The following PTPRE variants were observed in gnomAD, a reference collection of about 807,000 sequenced individuals.
PTPRE encodes protein tyrosine phosphatase receptor type E, also known as receptor-type tyrosine-protein phosphatase epsilon.
Under a neutral mutation model 102.0 loss-of-function variants are expected in PTPRE, and 51 were observed. The ratio of observed to expected loss-of-function variants is 0.50; its 90% CI spans 0.40 to 0.63. The LOEUF is 0.63. PTPRE is among the 30% of genes least tolerant of loss of function. The pLI is 0.00. For missense variants in PTPRE, 752 were observed against 915.1 expected (o/e 0.82, Z 2.30); for synonymous variants, 345 against 348.2 (o/e 0.99, Z 0.10).
At chr10:128,082,729 G>A (rs890899161) in intron 20 of PTPRE, 103 bp from the exon 21 acceptor site, 1 of 1,322,328 alleles carries the variant, frequency 7.6e-7, no homozygotes, top group Non-Finnish European at 1.0e-6. Flanking sequence ...GTATTTTAAT[G>A]AATAGTCACA....
At position 128,072,203 on chromosome 10, in the gene PTPRE, T is replaced by A. The variant is rs773972028; in HGVS notation, c.1453T>A (p.Ser485Thr). The change falls in exon 16 of 21, where the codon TCC (serine) becomes ACC (threonine). Residue 485 changes from serine (S) to threonine (T), a missense_variant. Transcript: ENST00000254667. Reference sequence around the variant, plus strand: ...AGAATACACAGACTACATCAACGCATCCTTCATAGACGTACGTATGCTGGC... The same window carrying A: ...AGAATACACAGACTACATCAACGCAACCTTCATAGACGTACGTATGCTGGC... Reference protein sequence around the residue: ...GQEYTDYINASFIDGYRQKDY... With the variant: ...GQEYTDYINATFIDGYRQKDY... 1 of 1,613,748 alleles carries A rather than the reference T, an allele frequency of 6.2e-7. No individual in the cohort carries two copies. Among genetic ancestry groups the A allele is most frequent in the East Asian group, 2.2e-5 (1 of 44,880 alleles).
chr10:127,976,959 G>A (rs1396197005), intron 1 of PTPRE, among the ~76,000 whole-genome samples: 1 of 152,210 alleles, frequency 6.6e-6, no homozygotes, highest in East Asian at 1.9e-4. Context: ...AGCCGCAGGG[G>A]CCGTGGCTGC....
chr10:128,030,691 C>T (rs970234722), intron 2 of PTPRE, among the ~76,000 whole-genome samples: 2 of 152,188 alleles, frequency 1.3e-5, no homozygotes, highest in Admixed American at 1.3e-4. Context: ...ATAATCCTGC[C>T]GGCAAGGTCT....
rs574356779 is a variant in PTPRE, at chr10:127,909,224, C to T, written c.-31+1915C>T. Among the ~76,000 whole-genome samples the T allele has an allele frequency of 8.1e-4, 123 of 152,264 alleles. 1 individual carries two copies. Among genetic ancestry groups the T allele is most frequent in the South Asian group, 1.7e-3 (8 of 4,826 alleles). On this transcript the variant is annotated intron_variant, in intron 1 of 20. Transcript: ENST00000254667. ...AAACCATTGCCCCTGAGAGTAGATG[C>T]GGCTGTGTGTGTACATCCTTGCCCC...
rs548208077 is a variant in PTPRE, at chr10:128,008,376, GCT to G, written c.-8+26087_-8+26088del. 4.6e-5 allele frequency among the ~76,000 whole-genome samples: 7 copies of G among 152,122 alleles called. No homozygotes were observed. Among genetic ancestry groups the G allele is most frequent in the Admixed American group, 4.6e-4 (7 of 15,286 alleles). ...TGAGATAAAGTCCCTGGGATGCCAA[GCT>G]CTCTCTGGACCTGAAAAAGCCTCCC... On this transcript the variant is annotated intron_variant, in intron 2 of 20. Transcript: ENST00000254667. This position sits in a 1 kb window ranked among gnomAD's most constrained non-coding sequence, Gnocchi z 4.0.
At chr10:128,069,946 C>T in intron 13 of PTPRE, 119 bp downstream of exon 13, 1 of 1,492,970 alleles carries the variant, frequency 6.7e-7, no homozygotes, top group South Asian at 1.2e-5. Flanking sequence ...CTGGGCCTGG[C>T]CTGGCTTCGC....
At chr10:127,954,114 GTTCTGTGAATAT>G (rs1849231630) in intron 1 of PTPRE, among the ~76,000 whole-genome samples, 1 of 152,200 alleles carries the variant, frequency 6.6e-6, no homozygotes, top group Non-Finnish European at 1.5e-5. Flanking sequence ...AAAATGACCT[GTTCTGTGAATAT>G]TTGTCAGCCT....
intron 1 of PTPRE, among the ~76,000 whole-genome samples, chr10:127,936,654 T>G (rs1441972041): frequency 6.6e-6 from 1 of 152,168 alleles, no homozygotes; most frequent in African/African-American, 2.4e-5. Flanking sequence ...AGCTTCCCCC[T>G]TGCAGTAATC....
chr10:127,955,285 T>TATAC lies in PTPRE; in HGVS notation c.-30-26989_-30-26988insATAC, dbSNP rs1849315657. Reference sequence around the variant, plus strand: ...ATATGATGCAGAGAATAAATACATGTGTACATACATACATACATACATACA... The same window carrying TATAC: ...ATATGATGCAGAGAATAAATACATGTATACGTACATACATACATACATACATACA... On this transcript the variant is annotated intron_variant, in intron 1 of 20. Coordinates refer to ENST00000254667, the MANE Select transcript of PTPRE (RefSeq NM_006504.6). Among the ~76,000 whole-genome samples the TATAC allele has an allele frequency of 6.2e-5, 8 of 129,100 alleles. No homozygotes were observed. In the South Asian group the frequency reaches 7.6e-4, roughly 12 times the overall value. The allele number at this position is 129,100 out of a possible 152,430, so 84.7% of individuals were successfully genotyped here.
rs965295148 is a variant in PTPRE at position 127,944,103 on chromosome 10, G to A, written c.-31+36794G>A. On this transcript the variant is annotated intron_variant, in intron 1 of 20. Transcript: ENST00000254667. This position sits in a 1 kb window ranked among gnomAD's most constrained non-coding sequence, Gnocchi z 4.2. ...AGCCAATGGCCAAGCTTTGACTTTCGGCCAGGGTGGAGAGTGGCAGCAAAT... is the reference window on the plus strand; with the variant it reads ...AGCCAATGGCCAAGCTTTGACTTTCAGCCAGGGTGGAGAGTGGCAGCAAAT... Among the ~76,000 whole-genome samples the A allele has an allele frequency of 4.6e-5, 7 of 152,184 alleles. No individual in the cohort carries two copies. The highest frequency in any genetic ancestry group is 3.8e-4 in the East Asian group (2 of 5,200).
At chr10:127,977,161 T>G (rs1169344800) in intron 1 of PTPRE, among the ~76,000 whole-genome samples, 4 of 152,166 alleles carry the variant, frequency 2.6e-5, no homozygotes, top group African/African-American at 9.7e-5. Flanking sequence ...TCAGGACAGC[T>G]CAGTGTCTTT....
In PTPRE at chr10:128,073,581, G is replaced by T. The variant is rs114653880; in HGVS notation, c.1599+110G>T. Reference sequence around the variant, plus strand: ...GCCATCACTGCAAACACATGGGTGAGACCAAGCCAGGACCACTAGGGAAGG... The same window carrying T: ...GCCATCACTGCAAACACATGGGTGATACCAAGCCAGGACCACTAGGGAAGG... On this transcript the variant is annotated intron_variant, in intron 17 of 20. Coordinates refer to ENST00000254667, the MANE Select transcript of PTPRE (RefSeq NM_006504.6). 5.6e-4 allele frequency: 751 copies of T among 1,351,786 alleles called. 5 individuals are homozygous for T. The African/African-American group carries it at 9.9e-3, about 18-fold the overall frequency. The allele number at this position is 1,351,786 out of a possible 1,614,324, so 83.7% of individuals were successfully genotyped here.
intron 1 of PTPRE, among the ~76,000 whole-genome samples, chr10:127,950,981 C>T (rs985531769): frequency 5.9e-5 from 9 of 152,082 alleles, no homozygotes; most frequent in African/African-American, 2.2e-4. Flanking sequence ...CCTATAGTCC[C>T]AGCTTCTTGA....
chr10:128,079,583 C>CA lies in PTPRE; in HGVS notation c.1917dup (p.Phe640IlefsTer41). ...AGTGCCGGAGCTGGGCGAACAGGTACATTCATAGCCCTCAGCAACATTTTG... is the reference window on the plus strand; with the variant it reads ...AGTGCCGGAGCTGGGCGAACAGGTACAATTCATAGCCCTCAGCAACATTTTG... On this transcript the variant is annotated frameshift_variant, in exon 20 of 21. Coordinates refer to ENST00000254667, the MANE Select transcript of PTPRE (RefSeq NM_006504.6). LOFTEE classifies it high-confidence loss of function. 6.2e-7 allele frequency: 1 copy of CA among 1,614,156 alleles called. No individual in the cohort carries two copies. The highest frequency in any genetic ancestry group is 8.5e-7 in the Non-Finnish European group (1 of 1,180,034).
intron 2 of PTPRE, among the ~76,000 whole-genome samples, chr10:128,032,230 G>A (rs1370020867): frequency 1.3e-5 from 2 of 152,112 alleles, no homozygotes; most frequent in African/African-American, 4.8e-5. Flanking sequence ...TGGCCACAGT[G>A]GTCTTGAACT....
intron 2 of PTPRE, among the ~76,000 whole-genome samples, chr10:127,992,455 G>T (rs551779696): frequency 7.2e-5 from 11 of 152,300 alleles, no homozygotes; most frequent in Admixed American, 2.0e-4. Context: ...GTGGCAGCTG[G>T]GGGTCTCTTT....
chr10:127,994,836 A>G (rs1375569328), intron 2 of PTPRE, among the ~76,000 whole-genome samples: 1 of 152,206 alleles, frequency 6.6e-6, no homozygotes, highest in Non-Finnish European at 1.5e-5. Context: ...AACTGGGCCA[A>G]GACTGCACAT....
At chr10:128,069,452 AC>A in intron 12 of PTPRE, 1 of 543,052 alleles carries the variant, frequency 1.8e-6, no homozygotes, top group Non-Finnish European at 3.3e-6. Context: ...TCCGAGGCTT[AC>A]TGCACCAGCT....
chr10:128,065,939 C>A, intron 10 of PTPRE, 136 bp from the exon 11 acceptor site: 3 of 1,304,220 alleles, frequency 2.3e-6, no homozygotes, highest in Non-Finnish European at 3.3e-6. Flanking sequence ...GGTCGACACA[C>A]GTGAACTTGT....
Sources: gnomAD v4.1 joint callset for allele counts (sites outside exome capture counted in the v4.1 genomes callset) on GRCh38, gnomAD v4.1.1 for gene constraint, Gnocchi (gnomAD v3.1) non-coding constraint, MANE v1.5 for transcripts, NCBI Gene and HGNC (gene_info 2026-07-23, HGNC 2026-07-21) for gene names.